The following PRDM16 variants were observed in gnomAD, a reference collection of about 807,000 sequenced individuals.
The protein encoded by PRDM16 is histone-lysine N-methyltransferase PRDM16.
PRDM16 carries 23 observed loss-of-function variants against 110.6 expected under a neutral mutation model. That is an observed-to-expected ratio of 0.21 (90% CI 0.15 to 0.29). The LOEUF (loss-of-function observed/expected upper bound fraction) is 0.29. PRDM16 is among the 10% of genes least tolerant of loss of function. The pLI is 1.00. For missense variants in PRDM16, 1,615 were observed against 1,794.3 expected, an observed-to-expected ratio of 0.90 and a Z score of 1.81; for synonymous variants, 799 against 781.8, an observed-to-expected ratio of 1.02 and a Z score of -0.37.
intron 4 of PRDM16, among the ~76,000 whole-genome samples, chr1:3,389,415 A>G (rs1366736398): frequency 6.6e-6 from 1 of 152,150 alleles, no homozygotes; most frequent in Non-Finnish European, 1.5e-5. Flanking sequence ...AACAAGAGCT[A>G]TCCCTATGGC....
chr1:3,143,434 C>G lies in PRDM16; in HGVS notation c.38-42691C>G, dbSNP rs1643589871. The stretch of plus-strand genomic sequence containing the variant: ...CATTTCCTCTCTCCACCCCTTCTTT[C>G]TTCTCAGCAAAGCAAATGACATTTG... On this transcript the variant is annotated intron_variant, in intron 1 of 16. Transcript: ENST00000270722. This position sits in a 1 kb window ranked among gnomAD's most constrained non-coding sequence, Gnocchi z 4.5. 1.3e-5 allele frequency among the ~76,000 whole-genome samples: 2 copies of G among 152,186 alleles called. No individual in the cohort carries two copies. The highest frequency in any genetic ancestry group is 4.8e-5 in the African/African-American group (2 of 41,442).
intron 1 of PRDM16, among the ~76,000 whole-genome samples, chr1:3,159,164 A>G (rs1643880116): frequency 1.3e-5 from 2 of 152,222 alleles, no homozygotes; most frequent in African/African-American, 4.8e-5. Context: ...CCTGAAGCAG[A>G]CAGGGAGGCT....
At chr1:3,185,140 T>G (rs747458927) in intron 1 of PRDM16, among the ~76,000 whole-genome samples, 1 of 152,150 alleles carries the variant, frequency 6.6e-6, no homozygotes, top group African/African-American at 2.4e-5. Flanking sequence ...GGCTTTGCTT[T>G]TCTTCCTGTC....
chr1:3,266,782 T>TA (rs1640304631), intron 3 of PRDM16, among the ~76,000 whole-genome samples: 3 of 152,088 alleles, frequency 2.0e-5, no homozygotes, highest in African/African-American at 7.3e-5. Flanking sequence ...GTCAAACAAT[T>TA]CTCTTGCCTC....
intron 3 of PRDM16, chr1:3,309,017 C>G (rs1641378953): frequency 6.6e-6 from 1 of 152,224 alleles, no homozygotes; most frequent in African/African-American, 2.4e-5. Flanking sequence ...TAATTTTTCC[C>G]TGGCTCCTCC....
chr1:3,239,646 C>A (rs1639616069), intron 2 of PRDM16, among the ~76,000 whole-genome samples: 1 of 152,162 alleles, frequency 6.6e-6, no homozygotes, highest in Non-Finnish European at 1.5e-5. Context: ...CAGAAATGGG[C>A]AAGAAAGAAA....
rs1002984654 is a variant in PRDM16, at chr1:3,390,399, C to A, written c.573+5113C>A. On this transcript the variant is annotated intron_variant, in intron 4 of 16. Transcript: ENST00000270722. The surrounding 1 kb of genome is among the most constrained non-coding windows in gnomAD (Gnocchi z 5.0). ...TAGGGCTCTCAAACGACCTGTAGCA[C>A]CCCTGGATTGAGAGAAGCAGCCCCA... is the stretch of plus-strand genomic sequence containing the variant. 5.9e-5 allele frequency among the ~76,000 whole-genome samples: 9 copies of A among 152,280 alleles called. No individual in the cohort carries two copies. The highest frequency in any genetic ancestry group is 1.2e-4 in the Non-Finnish European group (8 of 68,024).
At position 3,350,854 on chromosome 1, in the gene PRDM16, A is replaced by C. The variant is rs565680434; in HGVS notation, c.439-34298A>C. ...GGGTGGGGCCCAGCCAGCGCCAGGC[A>C]CTTCTGGCTGGGGGATATACACCCC... is the stretch of plus-strand genomic sequence containing the variant. On this transcript the variant is annotated intron_variant, in intron 3 of 16. Transcript: ENST00000270722. The surrounding 1 kb of genome is among the most constrained non-coding windows in gnomAD (Gnocchi z 7.1). Among the ~76,000 whole-genome samples, 19 of 152,162 alleles carry C rather than the reference A, an allele frequency of 1.2e-4. No individual in the cohort carries two copies. Among genetic ancestry groups the C allele is most frequent in the African/African-American group, 4.6e-4 (19 of 41,504 alleles).
Position 3,213,993 on chromosome 1 carries a change from TC to T in PRDM16, c.387+27520del, listed in dbSNP as rs1274588286. On this transcript the variant is annotated intron_variant, in intron 2 of 16. Coordinates refer to ENST00000270722, the MANE Select transcript of PRDM16 (RefSeq NM_022114.4). This position sits in a 1 kb window ranked among gnomAD's most constrained non-coding sequence, Gnocchi z 5.3. Reference sequence around the variant, plus strand: ...CTGCGCCCAGACACATGTCGGAGTCTCGTGTGGCCACTGGGTCCGCCTCGGC... The same window carrying T: ...CTGCGCCCAGACACATGTCGGAGTCTGTGTGGCCACTGGGTCCGCCTCGGC... 6.6e-6 allele frequency among the ~76,000 whole-genome samples: 1 copy of T among 152,064 alleles called. No homozygotes were observed. Among genetic ancestry groups the T allele is most frequent in the Non-Finnish European group, 1.5e-5 (1 of 68,010 alleles).
In PRDM16 at chr1:3,186,106, G is replaced by T. The variant is rs538043024; in HGVS notation, c.38-19G>T. On this transcript the variant is annotated intron_variant, in intron 1 of 16. Transcript: ENST00000270722. ...TGGGGCACGTGCTGCAGAGGTTGAC[G>T]CTGCGTTGTCTCCTTTAGGTGACGG... is the stretch of plus-strand genomic sequence containing the variant. 2 of 1,594,790 alleles carry T rather than the reference G, an allele frequency of 1.3e-6. No individual in the cohort carries two copies. Among genetic ancestry groups the T allele is most frequent in the Non-Finnish European group, 1.7e-6 (2 of 1,163,634 alleles).
chr1:3,279,755 C>T (rs1640669613), intron 3 of PRDM16, among the ~76,000 whole-genome samples: 1 of 152,132 alleles, frequency 6.6e-6, no homozygotes, highest in Non-Finnish European at 1.5e-5. Flanking sequence ...TCCACCGCCT[C>T]CTGCCCCTTT....
chr1:3,380,200 C>G (rs936621087), intron 3 of PRDM16, among the ~76,000 whole-genome samples: 1 of 151,478 alleles, frequency 6.6e-6, no homozygotes, highest in Non-Finnish European at 1.5e-5. Flanking sequence ...TCAGGGCCCT[C>G]AGACCAGGGC....
At chr1:3,410,332 C>T (rs1643663730) in intron 8 of PRDM16, among the ~76,000 whole-genome samples, 1 of 152,214 alleles carries the variant, frequency 6.6e-6, no homozygotes, top group Non-Finnish European at 1.5e-5. Flanking sequence ...CTGCCCTCTC[C>T]TGTTGAGAGA....
chr1:3,412,476 A>G lies in PRDM16; in HGVS notation c.2279A>G (p.Asp760Gly). 1 of 1,612,492 alleles carries G rather than the reference A, an allele frequency of 6.2e-7. No individual in the cohort carries two copies. The highest frequency in any genetic ancestry group is 8.5e-7 in the Non-Finnish European group (1 of 1,179,790). The change falls in exon 9 of 17, where the codon GAC (aspartate) becomes GGC (glycine). Residue 760 changes from aspartate to glycine, a missense_variant. Transcript: ENST00000270722. ...LVKAEPKSPR[D>G]ALKVGGPSAE... ...AAGGCCGAGCCAAAGTCACCCCGGG[A>G]CGCCCTCAAGGTGGGCGGCCCCAGT...
Position 3,433,802 on chromosome 1 carries a change from C to T in PRDM16, c.3822C>T (p.Asn1274=), listed in dbSNP as rs1392266212. The T allele has an allele frequency of 1.9e-6, 3 of 1,613,118 alleles. No individual in the cohort carries two copies. The highest frequency in any genetic ancestry group is 2.5e-6 in the Non-Finnish European group (3 of 1,179,904). The change falls in exon 17 of 17, where the codon AAC becomes AAT. Residue 1274 remains asparagine (N), a synonymous_variant. Coordinates refer to ENST00000270722, the MANE Select transcript of PRDM16 (RefSeq NM_022114.4). ...AGTCTGGAGCATTTCACCCCATCAACCACCTCTGACGGGCTGGGCAGCCGG... is the reference window on the plus strand; with the variant it reads ...AGTCTGGAGCATTTCACCCCATCAATCACCTCTGACGGGCTGGGCAGCCGG... The part of the protein sequence containing the change: ...TSESGAFHPI[N]HL
chr1:3,397,553 C>G (rs1009738878), intron 5 of PRDM16, among the ~76,000 whole-genome samples: 9 of 152,244 alleles, frequency 5.9e-5, no homozygotes, highest in Non-Finnish European at 1.0e-4. Flanking sequence ...CCACGCCGGT[C>G]CCTCTGAGCA....
intron 1 of PRDM16, among the ~76,000 whole-genome samples, chr1:3,153,212 C>T (rs1409444972): frequency 6.6e-6 from 1 of 152,232 alleles, no homozygotes; most frequent in African/African-American, 2.4e-5. Flanking sequence ...CCTGTAGCTC[C>T]GTGTCCTCAG....
At chr1:3,321,776 CGT>C (rs1193072518) in intron 3 of PRDM16, among the ~76,000 whole-genome samples, 2 of 147,424 alleles carry the variant, frequency 1.4e-5, no homozygotes, top group Non-Finnish European at 3.0e-5. Flanking sequence ...TATGTGTGCA[CGT>C]GTGTGCTGTG....
intron 1 of PRDM16, among the ~76,000 whole-genome samples, chr1:3,173,275 CAA>C: frequency 6.6e-6 from 1 of 152,334 alleles, no homozygotes; most frequent in South Asian, 2.1e-4. Context: ...CTCTCTGAAA[CAA>C]AGAGGCTTTT....
Sources: allele counts gnomAD v4.1 joint callset (sites outside exome capture counted in the v4.1 genomes callset), GRCh38; gene constraint gnomAD v4.1.1; non-coding constraint Gnocchi (gnomAD v3.1); transcripts MANE v1.5; gene names NCBI Gene and HGNC (gene_info 2026-07-23, HGNC 2026-07-21).